TBC1D5: variants seen among roughly 807,000 people sequenced by gnomAD.
The protein encoded by TBC1D5 is TBC1 domain family, member 5.
In TBC1D5, 75 loss-of-function variants were observed where a neutral mutation model predicts 100.3. The observed-to-expected ratio is 0.75, with a 90% CI of 0.62 to 0.91. TBC1D5 has a LOEUF of 0.91. Ranked by LOEUF, TBC1D5 falls within the 40% of genes least tolerant of loss-of-function variation. The pLI, the probability that TBC1D5 is intolerant of heterozygous loss-of-function variation, is 0.00. For missense variants in TBC1D5, 910 were observed against 942.4 expected (o/e 0.97, Z 0.45); for synonymous variants, 323 against 325.6 (o/e 0.99, Z 0.09).
chr3:17,501,093 T>TA (rs1452731052), intron 3 of TBC1D5, among the ~76,000 whole-genome samples: 1 of 149,738 alleles, frequency 6.7e-6, no homozygotes, highest in African/African-American at 2.5e-5. Flanking sequence ...CTCTCCTATT[T>TA]ATTTAACAAT....
At chr3:17,645,456 T>A (rs2064933402) in intron 1 of TBC1D5, among the ~76,000 whole-genome samples, 1 of 152,104 alleles carries the variant, frequency 6.6e-6, no homozygotes, top group Non-Finnish European at 1.5e-5. Flanking sequence ...TAACTCTACT[T>A]CTGTTCATGC....
intron 15 of TBC1D5, among the ~76,000 whole-genome samples, chr3:17,264,018 T>C (rs1039980452): frequency 1.3e-5 from 2 of 152,152 alleles, no homozygotes; most frequent in African/African-American, 4.8e-5. Context: ...AGTTTGACTT[T>C]GGATGGTGAA....
chr3:17,728,265 G>A (rs747833723), intron 1 of TBC1D5, among the ~76,000 whole-genome samples: 4 of 152,148 alleles, frequency 2.6e-5, no homozygotes, highest in Non-Finnish European at 2.9e-5. Flanking sequence ...TATTCTGAAA[G>A]TGGTAGCCAA....
At chr3:17,474,445 T>C (rs1170420779) in intron 3 of TBC1D5, among the ~76,000 whole-genome samples, 1 of 152,166 alleles carries the variant, frequency 6.6e-6, no homozygotes, top group African/African-American at 2.4e-5. Flanking sequence ...ATGTGATTTA[T>C]TATAAGTTTT....
chr3:17,389,950 G>GA (rs1383957170), intron 8 of TBC1D5, among the ~76,000 whole-genome samples: 4 of 151,578 alleles, frequency 2.6e-5, no homozygotes, highest in South Asian at 4.2e-4. Flanking sequence ...AAGACATAAT[G>GA]AAAAAAATCC....
At chr3:17,211,436 G>T (rs1222526901) in intron 18 of TBC1D5, among the ~76,000 whole-genome samples, 2 of 152,194 alleles carry the variant, frequency 1.3e-5, no homozygotes, top group East Asian at 3.8e-4. Context: ...ATTGGAATGT[G>T]CCTGATCTCT....
intron 19 of TBC1D5, among the ~76,000 whole-genome samples, chr3:17,181,333 C>T (rs925944342): frequency 6.6e-6 from 1 of 152,176 alleles, no homozygotes; most frequent in African/African-American, 2.4e-5. Context: ...GCTCTACGGC[C>T]ATGGGCTGGA....
intron 18 of TBC1D5, among the ~76,000 whole-genome samples, chr3:17,212,213 C>T (rs911264343): frequency 1.3e-4 from 20 of 152,116 alleles, no homozygotes; most frequent in African/African-American, 4.6e-4. Flanking sequence ...TCATGTGCCA[C>T]ATAATGATGT....
At chr3:17,597,196 T>C (rs183218631) in intron 2 of TBC1D5, among the ~76,000 whole-genome samples, 41 of 152,320 alleles carry the variant, frequency 2.7e-4, no homozygotes, top group African/African-American at 9.4e-4. Context: ...TTTTACCCTA[T>C]GACTTACATC....
At chr3:17,432,669 A>G (rs1236735998) in intron 3 of TBC1D5, among the ~76,000 whole-genome samples, 1 of 152,230 alleles carries the variant, frequency 6.6e-6, no homozygotes, top group African/African-American at 2.4e-5. Context: ...AAAAATCTGT[A>G]TTGTAGATAA....
chr3:17,253,212 G>T (rs577603760), intron 16 of TBC1D5, among the ~76,000 whole-genome samples: 22 of 152,180 alleles, frequency 1.4e-4, no homozygotes, highest in African/African-American at 5.3e-4. Flanking sequence ...TTACATTAAA[G>T]AAATAATATG....
intron 2 of TBC1D5, among the ~76,000 whole-genome samples, chr3:17,548,489 A>C (rs1243363886): frequency 6.6e-6 from 1 of 152,158 alleles, no homozygotes; most frequent in Non-Finnish European, 1.5e-5. Context: ...GGGAAAAAAA[A>C]ACCTTTGTGC....
In TBC1D5 at chr3:17,594,648, A is replaced by T. The variant is rs546937223; in HGVS notation, c.-36+29201T>A. ...CTTTCTCCTTTATCACATGACATAG[A>T]TTTACCGACTTCATATCAGCATTTA... On this transcript the variant is annotated intron_variant, in intron 2 of 21. Transcript: ENST00000253692. Among the ~76,000 whole-genome samples, 4 of 152,278 alleles carry T rather than the reference A, an allele frequency of 2.6e-5. 1 individual carries two copies. In the South Asian group the frequency reaches 8.3e-4, roughly 32 times the overall value.
At chr3:17,196,344 AGACTGGAAGG>A (rs1430939266) in intron 18 of TBC1D5, among the ~76,000 whole-genome samples, 1 of 152,204 alleles carries the variant, frequency 6.6e-6, no homozygotes, top group Non-Finnish European at 1.5e-5. Flanking sequence ...GCTTGGGCTG[AGACTGGAAGG>A]GACTCTATTT....
chr3:17,391,158 T>C (rs1343274613), intron 8 of TBC1D5, among the ~76,000 whole-genome samples: 1 of 152,128 alleles, frequency 6.6e-6, no homozygotes, highest in African/African-American at 2.4e-5. Flanking sequence ...AAACTATATC[T>C]GCAAATTTTT....
intron 16 of TBC1D5, among the ~76,000 whole-genome samples, chr3:17,255,229 C>A (rs1273474550): frequency 1.3e-5 from 2 of 152,092 alleles, no homozygotes; most frequent in African/African-American, 4.8e-5. Context: ...GAGATGAAGT[C>A]TCTCTCTGTC....
At chr3:17,657,376 G>A (rs1421439238) in intron 1 of TBC1D5, among the ~76,000 whole-genome samples, 4 of 137,630 alleles carry the variant, frequency 2.9e-5, no homozygotes, top group East Asian at 2.1e-4. Flanking sequence ...TCACTCTGTC[G>A]CGAGGCTGGA....
At chr3:17,572,603 T>A (rs78047358) in intron 2 of TBC1D5, among the ~76,000 whole-genome samples, 3,501 of 152,162 alleles carry the variant, frequency 0.023, 60 homozygotes, top group Non-Finnish European at 0.035. Flanking sequence ...ATGCTTCATG[T>A]CCCATTTATA....
chr3:17,402,002 T>C (rs1445978826), intron 8 of TBC1D5, among the ~76,000 whole-genome samples: 1 of 152,044 alleles, frequency 6.6e-6, no homozygotes, highest in African/African-American at 2.4e-5. Context: ...GAGAGTAGCT[T>C]CCCTAACTGG....
Sources: allele counts gnomAD v4.1 joint callset (sites outside exome capture counted in the v4.1 genomes callset), GRCh38; gene constraint gnomAD v4.1.1; transcripts MANE v1.5; gene names NCBI Gene and HGNC (gene_info 2026-07-23, HGNC 2026-07-21).